Variants in DTNA observed in about 807,000 individuals in gnomAD.
The protein encoded by DTNA is dystrophin-related protein 3.
Under a neutral mutation model 100.7 loss-of-function variants are expected in DTNA, and 43 were observed. The ratio of observed to expected loss-of-function variants is 0.43; its 90% CI spans 0.33 to 0.55. The LOEUF (loss-of-function observed/expected upper bound fraction) is 0.55, where lower values mean the gene tolerates loss of function less well. Among genes scored for constraint, DTNA ranks in the 20% least tolerant of loss-of-function variants. The pLI is 0.04. For synonymous variants in DTNA, 349 were observed against 347.9 expected, an observed-to-expected ratio of 1.00 and a Z score of -0.04; for missense variants, 798 against 953.9, an observed-to-expected ratio of 0.84 and a Z score of 2.15.
intron 1 of DTNA, among the ~76,000 whole-genome samples, chr18:34,670,489 A>G (rs1366895781): frequency 2.0e-5 from 3 of 152,078 alleles, no homozygotes; most frequent in Non-Finnish European, 1.5e-5. Context: ...TTGGAGGAGG[A>G]GAGGTTCTCT....
intron 1 of DTNA, among the ~76,000 whole-genome samples, chr18:34,713,019 T>C (rs2083216079): frequency 6.6e-6 from 1 of 152,166 alleles, no homozygotes; most frequent in African/African-American, 2.4e-5. Flanking sequence ...TTAGGAGTTA[T>C]TTTTTAACCT....
At chr18:34,623,680 G>A (rs141167359) in intron 1 of DTNA, among the ~76,000 whole-genome samples, 31 of 152,278 alleles carry the variant, frequency 2.0e-4, no homozygotes, top group Admixed American at 1.7e-3. Flanking sequence ...CAACTGTTAT[G>A]TGGCAGGCGG....
chr18:34,589,756 A>C (rs77876927), intron 1 of DTNA, among the ~76,000 whole-genome samples: 1 of 152,210 alleles, frequency 6.6e-6, no homozygotes, highest in East Asian at 1.9e-4. Flanking sequence ...GTACCTTTTG[A>C]TCTATATCTT....
intron 10 of DTNA, among the ~76,000 whole-genome samples, chr18:34,828,629 T>A (rs1299868518): frequency 6.6e-6 from 1 of 152,184 alleles, no homozygotes; most frequent in East Asian, 1.9e-4. Flanking sequence ...TTCCTGTATG[T>A]GCCCATCAAC....
chr18:34,793,596 A>T (rs2094842842), intron 3 of DTNA, among the ~76,000 whole-genome samples: 1 of 152,202 alleles, frequency 6.6e-6, no homozygotes, highest in African/African-American at 2.4e-5. Flanking sequence ...CCTTTCAAAC[A>T]CTAGAATTTA....
intron 1 of DTNA, among the ~76,000 whole-genome samples, chr18:34,741,239 AC>A (rs1338584767): frequency 6.6e-6 from 1 of 152,006 alleles, no homozygotes; most frequent in African/African-American, 2.4e-5. Context: ...TTATTTTCAT[AC>A]CCTTTGGCTA....
chr18:34,700,714 A>G (rs1283399239), intron 1 of DTNA, among the ~76,000 whole-genome samples: 2 of 152,178 alleles, frequency 1.3e-5, no homozygotes, highest in Non-Finnish European at 2.9e-5. Context: ...GCAGCACTCC[A>G]TGTCTATCCT....
chr18:34,797,643 T>C (rs1377563999), intron 4 of DTNA, among the ~76,000 whole-genome samples: 3 of 152,120 alleles, frequency 2.0e-5, no homozygotes, highest in East Asian at 3.9e-4. Flanking sequence ...AAATAGAGAG[T>C]AACTCAAAAG....
chr18:34,758,045 G>A (rs571219935), intron 2 of DTNA, among the ~76,000 whole-genome samples: 2 of 152,278 alleles, frequency 1.3e-5, no homozygotes, highest in Non-Finnish European at 2.9e-5. Flanking sequence ...TGGTTTCAAA[G>A]GGAGCAATTG....
intron 1 of DTNA, among the ~76,000 whole-genome samples, chr18:34,675,130 C>T (rs2077240986): frequency 6.6e-6 from 1 of 152,252 alleles, no homozygotes; most frequent in Non-Finnish European, 1.5e-5. Context: ...GTACTATCAA[C>T]ATTTTGGACT....
intron 1 of DTNA, among the ~76,000 whole-genome samples, chr18:34,555,637 A>G (rs2045949575): frequency 6.6e-6 from 1 of 152,138 alleles, no homozygotes; most frequent in South Asian, 2.1e-4. Flanking sequence ...TTATGTATCC[A>G]GTAGTCGTTC....
chr18:34,697,689 G>A (rs750263787), intron 1 of DTNA, among the ~76,000 whole-genome samples: 23 of 152,132 alleles, frequency 1.5e-4, no homozygotes, highest in Non-Finnish European at 2.4e-4. Context: ...GAAATAGAGC[G>A]AGGCTGTGGT....
chr18:34,809,166 A>G (rs994404103), intron 5 of DTNA, among the ~76,000 whole-genome samples: 2 of 152,222 alleles, frequency 1.3e-5, no homozygotes, highest in African/African-American at 4.8e-5. Flanking sequence ...TGTGATAATT[A>G]TTAATGGAAT....
At chr18:34,723,525 A>C (rs1174276864) in intron 1 of DTNA, among the ~76,000 whole-genome samples, 2 of 152,244 alleles carry the variant, frequency 1.3e-5, no homozygotes, top group Non-Finnish European at 2.9e-5. Context: ...CAATAACCTA[A>C]ATATAATTTG....
rs778548302 is a variant in DTNA at position 34,818,174 on chromosome 18, G to A, written c.720G>A (p.Pro240=). 8.1e-6 allele frequency: 13 copies of A among 1,613,798 alleles called. No homozygotes were observed. Among genetic ancestry groups the A allele is most frequent in the Middle Eastern group, 1.6e-4 (1 of 6,084 alleles). The change falls in exon 8 of 23, where the codon CCG becomes CCA. Residue 240 remains proline, a synonymous_variant. Coordinates refer to ENST00000444659, the MANE Select transcript of DTNA (RefSeq NM_001386795.1). ...TTACTTCCCCCTTAGTCTTCCATCC[G>A]GTTGAGTGTTCCTACTGCCACAGTG... ...RLANVENVFH[P]VECSYCHSES... is the part of the protein sequence containing the mutation.
At chr18:34,680,012 A>G (rs2077874248) in intron 1 of DTNA, among the ~76,000 whole-genome samples, 1 of 152,196 alleles carries the variant, frequency 6.6e-6, no homozygotes, top group Non-Finnish European at 1.5e-5. Context: ...GCATAAACTG[A>G]AGGAAAATTT....
intron 11 of DTNA, among the ~76,000 whole-genome samples, chr18:34,829,924 T>C (rs2095961959): frequency 1.3e-5 from 2 of 152,206 alleles, no homozygotes; most frequent in Admixed American, 1.3e-4. Flanking sequence ...TGAGGACTTG[T>C]ACCTTTCTGT....
At chr18:34,735,228 A>C (rs1036800755) in intron 1 of DTNA, among the ~76,000 whole-genome samples, 1 of 152,106 alleles carries the variant, frequency 6.6e-6, no homozygotes, top group African/African-American at 2.4e-5. Flanking sequence ...TCTCCTTTTC[A>C]CGTTTTTCTG....
intron 1 of DTNA, among the ~76,000 whole-genome samples, chr18:34,588,334 C>T (rs1475158420): frequency 1.3e-5 from 2 of 152,118 alleles, no homozygotes; most frequent in Admixed American, 6.6e-5. Context: ...ATCTCCTCAA[C>T]GTCTGCCTCA....
Sources: allele counts gnomAD v4.1 joint callset (sites outside exome capture counted in the v4.1 genomes callset), GRCh38; gene constraint gnomAD v4.1.1; transcripts MANE v1.5; gene names NCBI Gene and HGNC (gene_info 2026-07-23, HGNC 2026-07-21).